Variants in LRRC8C observed in about 807,000 individuals in gnomAD.
LRRC8C encodes volume-regulated anion channel subunit LRRC8C.
In LRRC8C, 20 loss-of-function variants were observed where a neutral mutation model predicts 55.3. The ratio of observed to expected loss-of-function variants is 0.36; its 90% CI spans 0.25 to 0.53. LRRC8C has a LOEUF of 0.53. LRRC8C is among the 20% of genes least tolerant of loss of function. The pLI is 0.92. For synonymous variants in LRRC8C, 376 were observed against 360.7 expected (o/e 1.04, Z -0.48); for missense variants, 659 against 951.4 (o/e 0.69, Z 4.04).
the LRRC8C span, among the ~76,000 whole-genome samples, chr1:89,616,734 G>T: frequency 1.3e-5 from 2 of 152,164 alleles, no homozygotes; most frequent in African/African-American, 2.4e-5. Flanking sequence ...AGGCAGTAAA[G>T]GAGAGCATAA....
intron 1 of LRRC8C, among the ~76,000 whole-genome samples, chr1:89,672,194 A>G (rs1657437073): frequency 6.6e-6 from 1 of 152,206 alleles, no homozygotes; most frequent in Non-Finnish European, 1.5e-5. Context: ...AATTTTACCT[A>G]GCTAACTGTT....
At chr1:89,616,880 G>A in the LRRC8C span, among the ~76,000 whole-genome samples, 2 of 152,200 alleles carry the variant, frequency 1.3e-5, no homozygotes, top group African/African-American at 4.8e-5. Flanking sequence ...GGGAGGTTAT[G>A]TCTTCATAAC....
the LRRC8C span, among the ~76,000 whole-genome samples, chr1:89,624,539 A>G: frequency 2.6e-5 from 4 of 152,196 alleles, no homozygotes; most frequent in African/African-American, 7.2e-5. Flanking sequence ...ACTATTACCA[A>G]TGAGAATGGA....
intron 2 of LRRC8C, among the ~76,000 whole-genome samples, chr1:89,687,319 A>G (rs946110850): frequency 1.3e-5 from 2 of 152,196 alleles, no homozygotes; most frequent in Non-Finnish European, 2.9e-5. Flanking sequence ...AGAAAAGGTG[A>G]TGGTTGAATT....
rs183213486 is a variant in LRRC8C at position 89,657,958 on chromosome 1, A to G, written c.-5+24636A>G. Among the ~76,000 whole-genome samples the G allele has an allele frequency of 1.6e-4, 24 of 152,280 alleles. No homozygotes were observed. In the South Asian group the frequency reaches 2.3e-3, roughly 14 times the overall value. ...TACTTCCAGAGGATCTCAGGAATGA[A>G]GTGTATGACTGTGTGTAACTTTACA... On this transcript the variant is annotated intron_variant, in intron 1 of 2. Transcript: ENST00000370454.
the LRRC8C span, among the ~76,000 whole-genome samples, chr1:89,623,962 C>T: frequency 1.3e-5 from 2 of 152,154 alleles, no homozygotes; most frequent in South Asian, 2.1e-4. Context: ...TGGTATAAGA[C>T]GTGAAAAGTC....
rs1312041228 is a variant in LRRC8C at position 89,712,964 on chromosome 1, C to T, written c.394C>T (p.Leu132Phe). The change falls in exon 3 of 3, where the codon CTC becomes TTC. Residue 132 changes from leucine to phenylalanine, a missense_variant. Around this residue, in one of 5 missense-constraint regions of LRRC8C, gnomAD observed 200 missense variants for 360.5 expected, o/e 0.55. Coordinates refer to ENST00000370454, the MANE Select transcript of LRRC8C (RefSeq NM_032270.5). ...WYAKYFPYLVLIHTLVFMLCS... is the reference protein window; with the variant it reads ...WYAKYFPYLVFIHTLVFMLCS... ...TGCCAAGTATTTCCCTTACCTTGTC[C>T]TCATCCATACCCTGGTCTTTATGCT... 6.2e-7 allele frequency: 1 copy of T among 1,613,596 alleles called. No homozygotes were observed. The highest frequency in any genetic ancestry group is 1.1e-5 in the South Asian group (1 of 91,076).
intron 2 of LRRC8C, among the ~76,000 whole-genome samples, chr1:89,701,455 T>C (rs1658320304): frequency 6.9e-6 from 1 of 145,832 alleles, no homozygotes; most frequent in Non-Finnish European, 1.5e-5. Context: ...CACTCCAGCC[T>C]GGGTGGCAGA....
rs1397129177 is a variant in LRRC8C, at chr1:89,662,773, T to C, written c.-4-23697T>C. ...TGACTCTTGAATACCACAAATTTAG[T>C]ATTGTGTTTTCAGCCCCCGCCATGG... is the stretch of plus-strand genomic sequence containing the variant. On this transcript the variant is annotated intron_variant, in intron 1 of 2. Coordinates refer to ENST00000370454, the MANE Select transcript of LRRC8C (RefSeq NM_032270.5). Among the ~76,000 whole-genome samples the C allele has an allele frequency of 2.0e-5, 3 of 152,098 alleles. No homozygotes were observed. The East Asian group carries it at 5.8e-4, about 29-fold the overall frequency.
chr1:89,674,409 A>C (rs1434861620), intron 1 of LRRC8C, among the ~76,000 whole-genome samples: 1 of 152,230 alleles, frequency 6.6e-6, no homozygotes, highest in Non-Finnish European at 1.5e-5. Flanking sequence ...AACTTAGAAG[A>C]GGGAACTCAT....
intron 1 of LRRC8C, among the ~76,000 whole-genome samples, chr1:89,679,781 G>T (rs1054532119): frequency 5.3e-5 from 8 of 152,142 alleles, no homozygotes; most frequent in African/African-American, 1.9e-4. Flanking sequence ...ATATATGATT[G>T]TGCTAAAGGT....
chr1:89,714,071 G>T lies in LRRC8C; in HGVS notation c.1501G>T (p.Asp501Tyr). The T allele has an allele frequency of 6.2e-7, 1 of 1,613,976 alleles. No individual in the cohort carries two copies. The change falls in exon 3 of 3, where the codon GAT (aspartate) becomes TAT (tyrosine). Residue 501 changes from aspartate (D) to tyrosine (Y), a missense_variant. Asp to Tyr is a radical substitution (Grantham distance 160, BLOSUM62 -3). Around this residue, in one of 5 missense-constraint regions of LRRC8C, gnomAD observed 344 missense variants for 464.6 expected, o/e 0.74. Transcript: ENST00000370454. This position sits in a 1 kb window ranked among gnomAD's most constrained non-coding sequence, Gnocchi z 4.6. The part of the protein sequence containing the change: ...ENLKVLSVKF[D>Y]DMRELPPWMY... Reference sequence around the variant, plus strand: ...CCTCAAGGTCTTGAGCGTCAAGTTTGATGACATGAGGGAACTCCCCCCCTG... The same window carrying T: ...CCTCAAGGTCTTGAGCGTCAAGTTTTATGACATGAGGGAACTCCCCCCCTG...
chr1:89,655,457 G>A (rs1327950156), intron 1 of LRRC8C, among the ~76,000 whole-genome samples: 1 of 152,162 alleles, frequency 6.6e-6, no homozygotes, highest in African/African-American at 2.4e-5. Flanking sequence ...TCAAATGACT[G>A]ATGATCTATA....
At chr1:89,708,531 G>A in intron 2 of LRRC8C, 1 of 151,598 alleles carries the variant, frequency 6.6e-6, no homozygotes, top group South Asian at 2.1e-4. Context: ...CTCACAGGCT[G>A]CTGTTACAAA....
chr1:89,649,833 TC>T (rs1351165859), intron 1 of LRRC8C, among the ~76,000 whole-genome samples: 1 of 152,210 alleles, frequency 6.6e-6, no homozygotes, highest in African/African-American at 2.4e-5. Flanking sequence ...TTTAACTCTT[TC>T]TTATCACACA....
intron 1 of LRRC8C, among the ~76,000 whole-genome samples, chr1:89,659,048 GTTT>G (rs771955175): frequency 4.2e-4 from 11 of 26,216 alleles, no homozygotes; most frequent in African/African-American, 7.4e-4. Flanking sequence ...TCTTCTCCAG[GTTT>G]TTTTTTTTTT....
chr1:89,661,375 C>A, intron 1 of LRRC8C: 1 of 332,342 alleles, frequency 3.0e-6, no homozygotes, highest in South Asian at 3.1e-5. Context: ...CAGTGCTGCT[C>A]CAGTACCTCC....
At chr1:89,702,743 A>G (rs957972122) in intron 2 of LRRC8C, among the ~76,000 whole-genome samples, 5 of 152,200 alleles carry the variant, frequency 3.3e-5, no homozygotes, top group African/African-American at 1.2e-4. Context: ...AGCCTGGGCA[A>G]CACAGCAAGA....
intron 2 of LRRC8C, among the ~76,000 whole-genome samples, chr1:89,711,825 A>G (rs767454779): frequency 8.5e-5 from 13 of 152,226 alleles, no homozygotes; most frequent in Non-Finnish European, 1.8e-4. Context: ...TTACTGTTGA[A>G]CACTTCTGTA....
Sources: gnomAD v4.1 joint callset for allele counts (sites outside exome capture counted in the v4.1 genomes callset) on GRCh38, gnomAD v4.1.1 for gene constraint, gnomAD v4.1.1 regional missense constraint, Gnocchi (gnomAD v3.1) non-coding constraint, MANE v1.5 for transcripts, NCBI Gene and HGNC (gene_info 2026-07-23, HGNC 2026-07-21) for gene names.